Variants in MAF observed in about 807,000 individuals in gnomAD.
MAF encodes the protein transcription factor Maf.
Under a neutral mutation model 22.0 loss-of-function variants are expected in MAF, and 10 were observed. The observed-to-expected ratio is 0.45, with a 90% CI of 0.28 to 0.77. The LOEUF (loss-of-function observed/expected upper bound fraction) is 0.77. Ranked by LOEUF, MAF falls within the 30% of genes least tolerant of loss-of-function variation. The pLI, the probability that MAF is intolerant of heterozygous loss-of-function variation, is 0.12. For synonymous variants in MAF, 337 were observed against 255.8 expected, an observed-to-expected ratio of 1.32 and a Z score of -3.03; for missense variants, 544 against 548.4, an observed-to-expected ratio of 0.99 and a Z score of 0.08.
At chr16:79,432,836 C>A in the MAF span, among the ~76,000 whole-genome samples, 12 of 152,144 alleles carry the variant, frequency 7.9e-5, no homozygotes, top group African/African-American at 2.9e-4. Flanking sequence ...AGCCAACTAC[C>A]AGAAGCTGGG....
At chr16:79,217,664 T>A in the MAF span, among the ~76,000 whole-genome samples, 1 of 152,138 alleles carries the variant, frequency 6.6e-6, no homozygotes, top group African/African-American at 2.4e-5. Flanking sequence ...TTCTCTGCAG[T>A]CGTTTTCTTC....
At chr16:79,283,846 T>A in the MAF span, among the ~76,000 whole-genome samples, 2 of 152,004 alleles carry the variant, frequency 1.3e-5, no homozygotes, top group African/African-American at 4.8e-5. Context: ...TTCACCAAGC[T>A]GCTTGGCCTG....
At chr16:79,525,272 G>C in the MAF span, among the ~76,000 whole-genome samples, 9 of 152,128 alleles carry the variant, frequency 5.9e-5, no homozygotes, top group African/African-American at 2.2e-4. Context: ...CCAATGCCTG[G>C]GATGGATGTT....
chr16:79,473,676 T>C, the MAF span, among the ~76,000 whole-genome samples: 2 of 152,172 alleles, frequency 1.3e-5, no homozygotes, highest in African/African-American at 2.4e-5. Context: ...CTTTATGACA[T>C]TATTGATTTA....
chr16:79,269,002 T>C, the MAF span, among the ~76,000 whole-genome samples: 1 of 152,238 alleles, frequency 6.6e-6, no homozygotes, highest in Non-Finnish European at 1.5e-5. Context: ...GGCTTGCTCA[T>C]AGTAGGTGTT....
chr16:79,234,070 A>G, the MAF span, among the ~76,000 whole-genome samples: 1 of 151,956 alleles, frequency 6.6e-6, no homozygotes, highest in Admixed American at 6.6e-5. Context: ...ATATTTTCAG[A>G]AAGTGATCCT....
At chr16:79,442,247 A>G in the MAF span, among the ~76,000 whole-genome samples, 4 of 152,266 alleles carry the variant, frequency 2.6e-5, no homozygotes, top group African/African-American at 9.6e-5. Context: ...GAAGAGGACC[A>G]AGATATCGGT....
the MAF span, among the ~76,000 whole-genome samples, chr16:79,259,967 G>A: frequency 6.6e-6 from 1 of 152,298 alleles, no homozygotes; most frequent in African/African-American, 2.4e-5. Flanking sequence ...GGTCAAGGCA[G>A]GGAAGTGTGA....
the MAF span, among the ~76,000 whole-genome samples, chr16:79,326,305 A>G: frequency 6.6e-6 from 1 of 152,288 alleles, no homozygotes; most frequent in East Asian, 1.9e-4. Flanking sequence ...TTATCATGAT[A>G]CCTAGCATAC....
chr16:79,268,929 T>G, the MAF span, among the ~76,000 whole-genome samples: 1 of 152,202 alleles, frequency 6.6e-6, no homozygotes, highest in Non-Finnish European at 1.5e-5. Flanking sequence ...GCCTGATAAA[T>G]GGGAGTAATG....
chr16:79,357,937 C>T, the MAF span, among the ~76,000 whole-genome samples: 2 of 152,210 alleles, frequency 1.3e-5, no homozygotes, highest in African/African-American at 4.8e-5. Flanking sequence ...CTGGGACTGC[C>T]AGCAAGACAC....
chr16:79,436,077 T>C, the MAF span, among the ~76,000 whole-genome samples: 1 of 152,194 alleles, frequency 6.6e-6, no homozygotes, highest in East Asian at 1.9e-4. Context: ...ATGAGATTCA[T>C]TTATTTTTAT....
the MAF span, among the ~76,000 whole-genome samples, chr16:79,468,179 C>G: frequency 6.6e-6 from 1 of 152,092 alleles, no homozygotes; most frequent in Non-Finnish European, 1.5e-5. Context: ...TGCAGAGGGC[C>G]CTGCACATAC....
the MAF span, among the ~76,000 whole-genome samples, chr16:79,555,344 G>A: frequency 6.6e-6 from 1 of 152,162 alleles, no homozygotes; most frequent in Admixed American, 6.5e-5. Flanking sequence ...ACAGTTTGAA[G>A]TGTCAGGAAT....
the MAF span, among the ~76,000 whole-genome samples, chr16:79,376,996 G>A: frequency 1.3e-5 from 2 of 152,214 alleles, no homozygotes; most frequent in Admixed American, 6.5e-5. Context: ...GTGTGCATGT[G>A]TCTTTATAGC....
downstream of MAF, among the ~76,000 whole-genome samples, chr16:79,581,638 A>C (rs1007466630): frequency 1.3e-5 from 2 of 152,066 alleles, no homozygotes; most frequent in African/African-American, 4.8e-5. Flanking sequence ...CAATAGACTG[A>C]GAGGACTAAA....
chr16:79,404,947 T>C, the MAF span, among the ~76,000 whole-genome samples: 1 of 152,202 alleles, frequency 6.6e-6, no homozygotes, highest in Non-Finnish European at 1.5e-5. Context: ...CATGTACTTA[T>C]GGGGTGTTTA....
the MAF span, among the ~76,000 whole-genome samples, chr16:79,514,734 C>T: frequency 7.9e-5 from 12 of 152,250 alleles, no homozygotes; most frequent in South Asian, 2.1e-4. Flanking sequence ...CTGTCGTAGG[C>T]GGCCTCTATC....
the MAF span, among the ~76,000 whole-genome samples, chr16:79,394,296 C>T: frequency 4.2e-3 from 641 of 152,252 alleles, 4 homozygotes; most frequent in African/African-American, 0.014. Context: ...CTATTCCTGG[C>T]AGCTAGGAGT....
Sources: gnomAD v4.1 joint callset for allele counts (sites outside exome capture counted in the v4.1 genomes callset) on GRCh38, gnomAD v4.1.1 for gene constraint, MANE v1.5 for transcripts, NCBI Gene and HGNC (gene_info 2026-07-23, HGNC 2026-07-21) for gene names.